Variants in PRDM6 observed in about 807,000 individuals in gnomAD.
PRDM6 encodes the protein PR/SET domain 6.
Under a neutral mutation model 60.8 loss-of-function variants are expected in PRDM6, and 25 were observed. That is an observed-to-expected ratio of 0.41 (90% CI 0.30 to 0.57). The LOEUF (loss-of-function observed/expected upper bound fraction) is 0.57. PRDM6 is among the 20% of genes least tolerant of loss of function. PRDM6 has a pLI of 0.27. For synonymous variants in PRDM6, 407 were observed against 357.4 expected (o/e 1.14, Z -1.57); for missense variants, 839 against 821.3 (o/e 1.02, Z -0.26).
At chr5:123,101,237 G>A (rs55939859) in intron 3 of PRDM6, among the ~76,000 whole-genome samples, 2,347 of 152,148 alleles carry the variant, frequency 0.015, 49 homozygotes, top group African/African-American at 0.053. Flanking sequence ...CCTGGTATCC[G>A]GAACCCTCCT....
At chr5:123,110,716 G>C (rs886853340) in intron 3 of PRDM6, among the ~76,000 whole-genome samples, 8 of 151,776 alleles carry the variant, frequency 5.3e-5, no homozygotes, top group African/African-American at 1.7e-4. Context: ...ACAGGCATGC[G>C]CTACTAGGCC....
intron 5 of PRDM6, among the ~76,000 whole-genome samples, chr5:123,164,012 G>A (rs966831266): frequency 6.6e-6 from 1 of 152,136 alleles, no homozygotes; most frequent in African/African-American, 2.4e-5. Context: ...TCAGAGTCAG[G>A]AAGGCCCTAC....
At chr5:123,174,125 C>G (rs1297935207) in intron 6 of PRDM6, among the ~76,000 whole-genome samples, 1 of 152,204 alleles carries the variant, frequency 6.6e-6, no homozygotes, top group African/African-American at 2.4e-5. Flanking sequence ...GCATTATACT[C>G]ACTGGATTAG....
At chr5:123,148,586 A>T (rs113461991) in intron 3 of PRDM6, among the ~76,000 whole-genome samples, 2,494 of 146,766 alleles carry the variant, frequency 0.017, 75 homozygotes, top group African/African-American at 0.059. Flanking sequence ...TCACGGTCTT[A>T]TGCATTGTCT....
At chr5:123,167,765 T>C (rs1210491494) in intron 5 of PRDM6, among the ~76,000 whole-genome samples, 1 of 152,220 alleles carries the variant, frequency 6.6e-6, no homozygotes, top group East Asian at 1.9e-4. Context: ...TTTGTATTAT[T>C]TACCCCCAGA....
At chr5:123,171,576 T>C (rs1365936531) in intron 6 of PRDM6, among the ~76,000 whole-genome samples, 1 of 152,154 alleles carries the variant, frequency 6.6e-6, no homozygotes, top group Non-Finnish European at 1.5e-5. Flanking sequence ...CTTCAGAGCA[T>C]GCAAACCCAT....
intron 3 of PRDM6, among the ~76,000 whole-genome samples, chr5:123,111,139 G>T (rs1764303445): frequency 6.6e-6 from 1 of 152,162 alleles, no homozygotes; most frequent in African/African-American, 2.4e-5. Context: ...GATGTGAATA[G>T]ACTTAACAGT....
At chr5:123,125,145 ACC>A (rs11300497) in intron 3 of PRDM6, among the ~76,000 whole-genome samples, 3 of 138,066 alleles carry the variant, frequency 2.2e-5, no homozygotes, top group African/African-American at 9.0e-5. Flanking sequence ...TACATACCGC[ACC>A]CCCTCCCCCC....
chr5:123,174,035 A>G (rs181362297), intron 6 of PRDM6, among the ~76,000 whole-genome samples: 1 of 152,334 alleles, frequency 6.6e-6, no homozygotes, highest in Admixed American at 6.5e-5. Context: ...ACTGCTGAAT[A>G]CAGGTTGAGT....
intron 3 of PRDM6, among the ~76,000 whole-genome samples, chr5:123,140,275 GA>G (rs34099859): frequency 0.21 from 27,705 of 130,672 alleles, 3,073 homozygotes; most frequent in East Asian, 0.6. Context: ...CTTTCTTTCA[GA>G]AAAAAAAAAA....
rs1378171995 is a variant in PRDM6 at position 123,090,046 on chromosome 5, C to T, written c.32C>T (p.Ala11Val). 4 of 1,548,330 alleles carry T rather than the reference C, an allele frequency of 2.6e-6. No individual in the cohort carries two copies. The highest frequency in any genetic ancestry group is 1.4e-5 in the African/African-American group (1 of 72,846). The change falls in exon 2 of 8, where the codon GCC becomes GTC. Residue 11 changes from alanine to valine, a missense_variant. Transcript: ENST00000407847. Reference sequence around the variant, plus strand: ...AAGCCCGGAGACCCCGGCGGTTCGGCCTTCCTCAAAGTGGACCCAGCCTAC... The same window carrying T: ...AAGCCCGGAGACCCCGGCGGTTCGGTCTTCCTCAAAGTGGACCCAGCCTAC... MLKPGDPGGS[A>V]FLKVDPAYLQ...
rs551210525 is a variant in PRDM6, at chr5:123,125,134, T to C, written c.900+25173T>C. Among the ~76,000 whole-genome samples the C allele has an allele frequency of 9.1e-5, 8 of 87,546 alleles. 1 individual carries two copies. In the South Asian group the frequency reaches 3.8e-3, roughly 41 times the overall value. 57.4% of individuals were successfully genotyped at this position (87,546 alleles called of 152,430 possible). A position where few individuals can be genotyped will look rare whatever the true frequency, so the allele number is the denominator to read the frequency against. ...CTAGTACCTTGCTCAATTTGTATAA[T>C]TACATACCGCACCCCCTCCCCCCCA... is the stretch of plus-strand genomic sequence containing the variant. On this transcript the variant is annotated intron_variant, in intron 3 of 7. Transcript: ENST00000407847.
chr5:123,187,142 C>T lies in PRDM6; in HGVS notation c.1729C>T (p.Arg577Trp). ...TQATQLSRHQ[R>W]MPNECKPITE... ...GGCCACCCAGCTGAGCCGACACCAG[C>T]GGATGCCCAATGAGTGCAAGCCAAT... Residue 577 changes from arginine to tryptophan, a missense_variant, in exon 8 of 8, where the codon CGG becomes TGG. Arg to Trp is a moderately radical substitution (Grantham distance 101). Transcript: ENST00000407847. 1.9e-6 allele frequency: 3 copies of T among 1,551,508 alleles called. No homozygotes were observed. The highest frequency in any genetic ancestry group is 1.2e-5 in the South Asian group (1 of 84,056).
intron 3 of PRDM6, 43 bp from the exon 4 acceptor site, chr5:123,155,841 G>A (rs2126872688): frequency 6.5e-7 from 1 of 1,538,268 alleles, no homozygotes; most frequent in South Asian, 1.2e-5. Context: ...AATGATTGCT[G>A]ATGATTCGTT....
chr5:123,177,191 A>G (rs1766034343), intron 6 of PRDM6, among the ~76,000 whole-genome samples: 1 of 152,268 alleles, frequency 6.6e-6, no homozygotes, highest in Non-Finnish European at 1.5e-5. Flanking sequence ...CCCTAGGCAC[A>G]TAATCAATTT....
In PRDM6 at chr5:123,113,629, C is replaced by T. The variant is rs139098241; in HGVS notation, c.900+13668C>T. On this transcript the variant is annotated intron_variant, in intron 3 of 7. Coordinates refer to ENST00000407847, the MANE Select transcript of PRDM6 (RefSeq NM_001136239.4). ...GGACTGTAGAGTTCTTGCTCTTCAC[C>T]GGTCTGCTCTTTGCTTTCTGCCCCT... Among the ~76,000 whole-genome samples, 660 of 152,254 alleles carry T rather than the reference C, an allele frequency of 4.3e-3. 6 individuals carry two copies. The highest frequency in any genetic ancestry group is 0.015 in the African/African-American group (623 of 41,558).
In PRDM6 at chr5:123,137,967, T is replaced by C. The variant is rs571671066; in HGVS notation, c.901-17917T>C. 5.3e-5 allele frequency among the ~76,000 whole-genome samples: 8 copies of C among 152,228 alleles called. No homozygotes were observed. The South Asian group carries it at 1.7e-3, about 32-fold the overall frequency. On this transcript the variant is annotated intron_variant, in intron 3 of 7. Transcript: ENST00000407847. ...TGTGATGGTATGGGTGGTATAAAGA[T>C]ACAGCAAAAACCACGAATGCTGATG...
intron 3 of PRDM6, among the ~76,000 whole-genome samples, chr5:123,124,524 G>A (rs780438648): frequency 2.0e-4 from 31 of 152,204 alleles, no homozygotes; most frequent in Non-Finnish European, 4.0e-4. Context: ...GCCCAACTTA[G>A]CACTGGCATT....
intron 3 of PRDM6, among the ~76,000 whole-genome samples, chr5:123,122,322 A>G (rs1764600219): frequency 6.6e-6 from 1 of 152,144 alleles, no homozygotes; most frequent in Non-Finnish European, 1.5e-5. Flanking sequence ...AAAGGAGTAA[A>G]TTTAAGATAC....
Sources: allele counts gnomAD v4.1 joint callset (sites outside exome capture counted in the v4.1 genomes callset), GRCh38; gene constraint gnomAD v4.1.1; transcripts MANE v1.5; gene names NCBI Gene and HGNC (gene_info 2026-07-23, HGNC 2026-07-21).